The following PCLO variants were observed in gnomAD, a reference collection of about 807,000 sequenced individuals.
PCLO encodes protein piccolo.
Under a neutral mutation model 427.5 loss-of-function variants are expected in PCLO, and 82 were observed. That is an observed-to-expected ratio of 0.19 (90% CI 0.16 to 0.23). The LOEUF is 0.23. PCLO is among the 10% of genes least tolerant of loss of function. The probability of loss-of-function intolerance (pLI) is 1.00; values close to 1 mark genes in which losing one functional copy is unlikely to be tolerated. For synonymous variants in PCLO, 2,357 were observed against 2,155.4 expected (o/e 1.09, Z -2.59); for missense variants, 6,239 against 6,115.9 (o/e 1.02, Z -0.67).
At position 82,846,613 on chromosome 7, in the gene PCLO, A is replaced by G. The variant is rs766250163; in HGVS notation, c.13785T>C (p.Asp4595=). 2.5e-6 allele frequency: 4 copies of G among 1,607,108 alleles called. No homozygotes were observed. The South Asian group carries it at 3.3e-5, about 13-fold the overall frequency. Residue 4595 remains aspartate, a synonymous_variant, in exon 12 of 25, where the codon GAT becomes GAC. Transcript: ENST00000333891. The stretch of plus-strand genomic sequence containing the variant: ...GTTCCAGATGCTGGGAATTTTCAGA[A>G]TCTGATAGCATATTGAGGTCCCTAA... ...CVRLDLNMLS[D]SENSQHLELH...
At chr7:82,833,696 T>C (rs146468277) in intron 16 of PCLO, among the ~76,000 whole-genome samples, 181 of 150,512 alleles carry the variant, frequency 1.2e-3, no homozygotes, top group African/African-American at 4.3e-3. Flanking sequence ...TCTGTACCTT[T>C]CTGTTGCAGA....
intron 3 of PCLO, among the ~76,000 whole-genome samples, chr7:83,118,592 C>T (rs1791192403): frequency 6.6e-6 from 1 of 152,020 alleles, no homozygotes; most frequent in South Asian, 2.1e-4. Flanking sequence ...TCAGTGCTTC[C>T]CTGTCACAGC....
At chr7:82,897,096 T>C (rs1793922802) in intron 9 of PCLO, among the ~76,000 whole-genome samples, 1 of 151,618 alleles carries the variant, frequency 6.6e-6, no homozygotes, top group Non-Finnish European at 1.5e-5. Flanking sequence ...TAAGAGGAAA[T>C]AACATTTGTT....
In PCLO at chr7:83,155,441, A is replaced by G; in HGVS notation, c.1200T>C (p.Thr400=). 3.7e-6 allele frequency: 6 copies of G among 1,613,598 alleles called. No homozygotes were observed. The highest frequency in any genetic ancestry group is 1.3e-5 in the African/African-American group (1 of 74,914). Residue 400 remains threonine (T), a synonymous_variant, in exon 2 of 25, where the codon ACT becomes ACC. Coordinates refer to ENST00000333891, the MANE Select transcript of PCLO (RefSeq NM_033026.6). The part of the protein sequence containing the change: ...ALAQPPGVGK[T]PAQQPGPAKP... ...TTGCTGGCCCTGGCTGTTGAGCTGG[A>G]GTCTTTCCAACTCCAGGAGGCTGAG... is the stretch of plus-strand genomic sequence containing the variant.
At chr7:82,821,440 G>A in intron 20 of PCLO, 2 of 985,540 alleles carry the variant, frequency 2.0e-6, no homozygotes, top group Non-Finnish European at 2.4e-6. Context: ...CACATGCACA[G>A]CACTAAAGGG....
rs532536819 is a variant in PCLO at position 83,042,354 on chromosome 7, A to C, written c.3301-75867T>G. ...ATAAATATATATTGCATGTTTCTTG[A>C]AAGCTATAACCTAAAAATGACAATA... On this transcript the variant is annotated intron_variant, in intron 3 of 24. Coordinates refer to ENST00000333891, the MANE Select transcript of PCLO (RefSeq NM_033026.6). Among the ~76,000 whole-genome samples, 6 of 152,304 alleles carry C rather than the reference A, an allele frequency of 3.9e-5. No individual in the cohort carries two copies. In the South Asian group the frequency reaches 1.2e-3, roughly 32 times the overall value.
intron 3 of PCLO, among the ~76,000 whole-genome samples, chr7:83,123,500 A>G (rs983143764): frequency 6.6e-6 from 1 of 152,220 alleles, no homozygotes; most frequent in Non-Finnish European, 1.5e-5. Flanking sequence ...AATTAAATCT[A>G]AGATCTGAAA....
rs781747215 is a variant in PCLO, at chr7:82,955,049, C to T, written c.5904G>A (p.Ser1968=). The change falls in exon 5 of 25, where the codon TCG becomes TCA. Residue 1968 remains serine, a synonymous_variant. Coordinates refer to ENST00000333891, the MANE Select transcript of PCLO (RefSeq NM_033026.6). The stretch of plus-strand genomic sequence containing the variant: ...GCCTTGTTAGCAGACTGCCATCTAC[C>T]GATCCATTGTACGTGTCTTCTACTA... ...ESLVEDTYNG[S]VDGSLLTRQE... 24 of 1,613,622 alleles carry T rather than the reference C, an allele frequency of 1.5e-5. No homozygotes were observed. The highest frequency in any genetic ancestry group is 1.2e-4 in the African/African-American group (9 of 74,874).
chr7:82,952,137 A>C lies in PCLO; in HGVS notation c.8816T>G (p.Val2939Gly), dbSNP rs1395728402. 1 of 1,612,334 alleles carries C rather than the reference A, an allele frequency of 6.2e-7. No individual in the cohort carries two copies. The highest frequency in any genetic ancestry group is 2.2e-5 in the East Asian group (1 of 44,722). The change falls in exon 5 of 25, where the codon GTG (valine) becomes GGG (glycine). Residue 2939 changes from valine (V) to glycine (G), a missense_variant. This residue lies in a region of PCLO where 4,677 missense variants were observed against 4,468.4 expected (regional missense o/e 1.05). Coordinates refer to ENST00000333891, the MANE Select transcript of PCLO (RefSeq NM_033026.6). Reference protein sequence around the residue: ...PVDLTAGRRAVCCDVVYKLPF... With the variant: ...PVDLTAGRRAGCCDVVYKLPF... Reference sequence around the variant, plus strand: ...TAATTTATAAACCACATCACAGCACACAGCTCTTCTCCCTGCGGTTAAATC... The same window carrying C: ...TAATTTATAAACCACATCACAGCACCCAGCTCTTCTCCCTGCGGTTAAATC...
chr7:83,148,603 T>TA (rs763301841), intron 2 of PCLO, among the ~76,000 whole-genome samples: 13 of 152,196 alleles, frequency 8.5e-5, no homozygotes, highest in East Asian at 1.9e-4. Context: ...CCTTTTTTTT[T>TA]ACCCTCAACC....
At chr7:83,100,951 C>A (rs1409799072) in intron 3 of PCLO, among the ~76,000 whole-genome samples, 1 of 151,878 alleles carries the variant, frequency 6.6e-6, no homozygotes. Flanking sequence ...TTTGGAGTCC[C>A]CTTTTTACTA....
chr7:82,815,828 T>C (rs1791666449), intron 20 of PCLO, among the ~76,000 whole-genome samples: 2 of 152,120 alleles, frequency 1.3e-5, no homozygotes, highest in South Asian at 4.1e-4. Flanking sequence ...TAATATTATT[T>C]TGATTAATCT....
intron 2 of PCLO, among the ~76,000 whole-genome samples, chr7:83,144,087 G>A (rs1273725065): frequency 2.0e-5 from 3 of 152,186 alleles, no homozygotes; most frequent in Non-Finnish European, 4.4e-5. Context: ...AAGCCAATTA[G>A]TTGCATGTTG....
intron 2 of PCLO, among the ~76,000 whole-genome samples, chr7:83,136,210 T>A (rs1487103291): frequency 6.6e-6 from 1 of 152,152 alleles, no homozygotes; most frequent in Non-Finnish European, 1.5e-5. Context: ...ATGGTAATTG[T>A]TATTCTTTGC....
Position 82,915,281 on chromosome 7 carries a change from C to T in PCLO, c.12705G>A (p.Arg4235=), listed in dbSNP as rs138538468. The part of the protein sequence containing the change: ...SSIGGISSRA[R]LLQDDITFGL... The stretch of plus-strand genomic sequence containing the variant: ...CAAAAGTGATGTCATCTTGAAGGAG[C>T]CTTGCCCTGGAGGAAATGCCACCAA... Residue 4235 remains arginine (R), a synonymous_variant, in exon 7 of 25, where the codon AGG becomes AGA. Transcript: ENST00000333891. The T allele has an allele frequency of 1.2e-6, 2 of 1,613,562 alleles. No individual in the cohort carries two copies. Among genetic ancestry groups the T allele is most frequent in the Non-Finnish European group, 1.7e-6 (2 of 1,179,728 alleles).
At chr7:83,039,890 G>A (rs865829564) in intron 3 of PCLO, among the ~76,000 whole-genome samples, 61 of 152,142 alleles carry the variant, frequency 4.0e-4, no homozygotes, top group African/African-American at 2.9e-4. Flanking sequence ...AATTACTTCC[G>A]TTAAATTTAT....
Position 83,156,318 on chromosome 7 carries a change from G to C in PCLO, c.323C>G (p.Pro108Arg), listed in dbSNP as rs199638434. Residue 108 changes from proline to arginine, a missense_variant, in exon 2 of 25, where the codon CCT becomes CGT. By Grantham distance (103) the Pro-to-Arg change is moderately radical. Around this residue, in one of 5 missense-constraint regions of PCLO, gnomAD observed 4,677 missense variants for 4,468.4 expected, o/e 1.05. Coordinates refer to ENST00000333891, the MANE Select transcript of PCLO (RefSeq NM_033026.6). Reference sequence around the variant, plus strand: ...TGTAGTTCTACTTTTACTGAGACCAGGTTGAGCTGGACGCCCAGGGTCCGG... The same window carrying C: ...TGTAGTTCTACTTTTACTGAGACCACGTTGAGCTGGACGCCCAGGGTCCGG... ...RPPDPGRPAQ[P>R]GLSKSRTTDT... 4 of 1,613,168 alleles carry C rather than the reference G, an allele frequency of 2.5e-6. No individual in the cohort carries two copies. The African/African-American group carries it at 5.4e-5, about 22-fold the overall frequency.
chr7:82,950,177 T>C lies in PCLO; in HGVS notation c.10411A>G (p.Ser3471Gly). 1.9e-6 allele frequency: 3 copies of C among 1,611,452 alleles called. No homozygotes were observed. The highest frequency in any genetic ancestry group is 1.7e-5 in the Admixed American group (1 of 59,598). ...TGATCTTCATCATCAGTTTGGACGC[T>C]TGTATCCACACTCTTTTTAGTTCTC... The part of the protein sequence containing the change: ...RRRTKKSVDT[S>G]VQTDDEDQDE... Residue 3471 changes from serine (S) to glycine (G), a missense_variant, in exon 6 of 25, where the codon AGC becomes GGC. Transcript: ENST00000333891.
intron 3 of PCLO, among the ~76,000 whole-genome samples, chr7:83,030,138 A>AT (rs1317345559): frequency 5.3e-5 from 8 of 150,202 alleles, no homozygotes; most frequent in South Asian, 2.1e-4. Context: ...AAAAAAAGAA[A>AT]AGAAAAGACT....
Sources: allele counts gnomAD v4.1 joint callset (sites outside exome capture counted in the v4.1 genomes callset), GRCh38; gene constraint gnomAD v4.1.1; regional missense constraint gnomAD v4.1.1; transcripts MANE v1.5; gene names NCBI Gene and HGNC (gene_info 2026-07-23, HGNC 2026-07-21).